The following COBLL1 variants were observed in gnomAD, a reference collection of about 807,000 sequenced individuals.
The protein encoded by COBLL1 is cordon-bleu protein-like 1.
Under a neutral mutation model 94.8 loss-of-function variants are expected in COBLL1, and 50 were observed. The ratio of observed to expected loss-of-function variants is 0.53; its 90% CI spans 0.42 to 0.67. COBLL1 has a LOEUF of 0.67. COBLL1 is among the 30% of genes least tolerant of loss of function. COBLL1 has a pLI of 0.00. For missense variants in COBLL1, 1,362 were observed against 1,348.7 expected (o/e 1.01, Z -0.15); for synonymous variants, 448 against 473.8 (o/e 0.95, Z 0.71).
At chr2:164,678,084 T>C (rs560321581), downstream of COBLL1, among the ~76,000 whole-genome samples, 47 of 152,238 alleles carry the variant, frequency 3.1e-4, no homozygotes, top group Middle Eastern at 3.4e-3. Context: ...TTTCCAGTCA[T>C]ATATTATGGA....
chr2:164,771,901 T>C (rs1316298609), intron 2 of COBLL1: 1 of 151,352 alleles, frequency 6.6e-6, no homozygotes, highest in Non-Finnish European at 1.5e-5. Context: ...ATACTCAATA[T>C]TGAATGTATA....
intron 2 of COBLL1, among the ~76,000 whole-genome samples, chr2:164,662,533 G>C (rs1468495254): frequency 6.6e-6 from 1 of 152,178 alleles, no homozygotes; most frequent in Admixed American, 6.5e-5. Flanking sequence ...ATTTTCTGAA[G>C]AGTCAGTGAT....
At chr2:164,708,687 G>A (rs1266167831) in intron 7 of COBLL1, among the ~76,000 whole-genome samples, 1 of 152,154 alleles carries the variant, frequency 6.6e-6, no homozygotes, top group East Asian at 1.9e-4. Flanking sequence ...ATTTACTTCT[G>A]TAAAGCCCTA....
At chr2:164,786,106 A>T (rs986094262) in intron 2 of COBLL1, among the ~76,000 whole-genome samples, 1 of 152,214 alleles carries the variant, frequency 6.6e-6, no homozygotes, top group Non-Finnish European at 1.5e-5. Context: ...AACAAAGTTG[A>T]ATTTGCTGCA....
At position 164,684,850 on chromosome 2, in the gene COBLL1, A is replaced by G. The variant is rs1205128878; in HGVS notation, c.*1096T>C. On this transcript the variant is annotated 3_prime_UTR_variant, in exon 14 of 14. Coordinates refer to ENST00000652658, the MANE Select transcript of COBLL1 (RefSeq NM_001365672.2). The stretch of plus-strand genomic sequence containing the variant: ...TTTTAGTGAAAACAAATTTAATATC[A>G]TCTTGTTTGAACAAAGCTTTCAGAA... 1.3e-5 allele frequency: 2 copies of G among 152,166 alleles called. No individual in the cohort carries two copies. Among genetic ancestry groups the G allele is most frequent in the African/African-American group, 4.8e-5 (2 of 41,454 alleles). The allele number at this position is 152,166 out of a possible 1,614,324, so 9.4% of individuals were successfully genotyped here. A position where few individuals can be genotyped will look rare whatever the true frequency, so the allele number is the denominator to read the frequency against.
chr2:164,838,828 T>C (rs1683447994), intron 2 of COBLL1, among the ~76,000 whole-genome samples: 1 of 152,226 alleles, frequency 6.6e-6, no homozygotes, highest in South Asian at 2.1e-4. Flanking sequence ...TAGTCAGTTT[T>C]ATAGCAAGAA....
chr2:164,797,949 A>G (rs2105311613), intron 2 of COBLL1, among the ~76,000 whole-genome samples: 1 of 152,374 alleles, frequency 6.6e-6, no homozygotes, highest in South Asian at 2.1e-4. Flanking sequence ...ACACTAAGCC[A>G]GAACATAATT....
chr2:164,792,107 CTTTATTTA>C (rs538001731), intron 2 of COBLL1, among the ~76,000 whole-genome samples: 22 of 151,286 alleles, frequency 1.5e-4, no homozygotes, highest in Non-Finnish European at 2.9e-4. Context: ...TCTTTCTATT[CTTTATTTA>C]TTTATTTATT....
intron 2 of COBLL1, among the ~76,000 whole-genome samples, chr2:164,793,376 A>C (rs1262927845): frequency 6.6e-6 from 1 of 152,078 alleles, no homozygotes; most frequent in African/African-American, 2.4e-5. Context: ...TTATATTTAC[A>C]GCACTACCAA....
intron 1 of COBLL1, among the ~76,000 whole-genome samples, chr2:164,673,529 G>A (rs1691282846): frequency 1.3e-5 from 2 of 152,086 alleles, no homozygotes; most frequent in South Asian, 2.1e-4. Context: ...ACAAAAATTA[G>A]CCGGGTGTGG....
chr2:164,694,174 G>A (rs759534609), intron 12 of COBLL1, 95 bp downstream of exon 12: 1 of 1,196,882 alleles, frequency 8.4e-7, no homozygotes, highest in Non-Finnish European at 1.2e-6. Flanking sequence ...TATGAGTTCA[G>A]AGTTAAGTAG....
intron 4 of COBLL1, among the ~76,000 whole-genome samples, chr2:164,729,247 CAATTT>C (rs1330940115): frequency 6.6e-6 from 1 of 151,432 alleles, no homozygotes; most frequent in African/African-American, 2.4e-5. Context: ...TCACATGTAT[CAATTT>C]AATATACAAA....
intron 5 of COBLL1, chr2:164,723,578 G>A (rs959896488): frequency 6.6e-6 from 1 of 151,928 alleles, no homozygotes; most frequent in African/African-American, 2.4e-5. Context: ...GTTTCTACTG[G>A]TAAAAATAAG....
At chr2:164,754,702 C>T (rs193050760) in intron 2 of COBLL1, among the ~76,000 whole-genome samples, 1 of 152,342 alleles carries the variant, frequency 6.6e-6, no homozygotes, top group East Asian at 1.9e-4. Flanking sequence ...ATTTAGAGCA[C>T]ATCGTCTTTG....
chr2:164,786,044 C>A (rs1688940762), intron 2 of COBLL1, among the ~76,000 whole-genome samples: 1 of 152,006 alleles, frequency 6.6e-6, no homozygotes, highest in African/African-American at 2.4e-5. Context: ...ATAATAATGT[C>A]TTAAATTTGA....
At chr2:164,818,547 G>GTGTACATATGTACACATATATAGCATATA (rs1559046413) in intron 2 of COBLL1, among the ~76,000 whole-genome samples, 32 of 146,750 alleles carry the variant, frequency 2.2e-4, no homozygotes, top group African/African-American at 6.0e-4. Context: ...TTACATATAT[G>GTGTACATATGTACACATATATAGCATATA]TGTACATATG....
chr2:164,744,940 G>C (rs1686791283), intron 2 of COBLL1, among the ~76,000 whole-genome samples: 1 of 152,014 alleles, frequency 6.6e-6, no homozygotes, highest in Non-Finnish European at 1.5e-5. Flanking sequence ...TAAACTATAA[G>C]TAATGACATA....
intron 2 of COBLL1, among the ~76,000 whole-genome samples, chr2:164,824,638 TG>T (rs917307100): frequency 6.6e-6 from 1 of 152,148 alleles, no homozygotes; most frequent in Non-Finnish European, 1.5e-5. Context: ...TATGTGACCA[TG>T]GGAGTTGTTT....
chr2:164,760,063 T>C (rs950480273), intron 2 of COBLL1, among the ~76,000 whole-genome samples: 1 of 151,828 alleles, frequency 6.6e-6, no homozygotes, highest in Non-Finnish European at 1.5e-5. Context: ...TGCACAAGAG[T>C]AGTGAAAACT....
Sources: allele counts gnomAD v4.1 joint callset (sites outside exome capture counted in the v4.1 genomes callset), GRCh38; gene constraint gnomAD v4.1.1; transcripts MANE v1.5; gene names NCBI Gene and HGNC (gene_info 2026-07-23, HGNC 2026-07-21).